HNRNPUL1: variants seen among roughly 807,000 people sequenced by gnomAD.
HNRNPUL1 encodes heterogeneous nuclear ribonucleoprotein U-like protein 1.
A neutral mutation model predicts 108.5 loss-of-function variants in HNRNPUL1; 14 were observed. The observed-to-expected ratio is 0.13, with a 90% CI of 0.09 to 0.20. The LOEUF is 0.20. Ranked by LOEUF, HNRNPUL1 falls within the 10% of genes least tolerant of loss-of-function variation. The probability of loss-of-function intolerance (pLI) is 1.00; values close to 1 mark genes in which losing one functional copy is unlikely to be tolerated. For missense variants in HNRNPUL1, 804 were observed against 1,168.3 expected (o/e 0.69, Z 4.55); for synonymous variants, 422 against 445.2 (o/e 0.95, Z 0.66).
intron 4 of HNRNPUL1, among the ~76,000 whole-genome samples, chr19:41,275,929 C>G (rs1270026061): frequency 6.6e-6 from 1 of 152,052 alleles, no homozygotes; most frequent in African/African-American, 2.4e-5. Flanking sequence ...ATGGAGAAAC[C>G]CTATCTCTAC....
chr19:41,268,237 A>G lies in HNRNPUL1; in HGVS notation c.310A>G (p.Ile104Val). ...GPDGHYAMDNITRQNQFYDTQ... is the reference protein window; with the variant it reads ...GPDGHYAMDNVTRQNQFYDTQ... Reference sequence around the variant, plus strand: ...TTTGTTTTAAGATGCCATGGACAATATTACCAGGCAGAACCAATTCTACGA... The same window carrying G: ...TTTGTTTTAAGATGCCATGGACAATGTTACCAGGCAGAACCAATTCTACGA... The change falls in exon 2 of 15, where the codon ATT (isoleucine) becomes GTT (valine). Residue 104 changes from isoleucine (I) to valine (V), a missense_variant. Ile to Val is a conservative substitution (Grantham distance 29, BLOSUM62 3). Transcript: ENST00000392006. 1 of 1,613,896 alleles carries G rather than the reference A, an allele frequency of 6.2e-7. No homozygotes were observed. Among genetic ancestry groups the G allele is most frequent in the South Asian group, 1.1e-5 (1 of 91,026 alleles).
chr19:41,279,214 T>C (rs2035761475), intron 6 of HNRNPUL1, 38 bp downstream of exon 6: 1 of 1,381,004 alleles, frequency 7.2e-7, no homozygotes, highest in Admixed American at 1.7e-5. Context: ...GAGAATAGAG[T>C]GACTGTCCCT....
Position 41,301,618 on chromosome 19 carries a change from C to G in HNRNPUL1, c.1601C>G (p.Thr534Ser), listed in dbSNP as rs758493834. 35 of 1,614,076 alleles carry G rather than the reference C, an allele frequency of 2.2e-5. No homozygotes were observed. Among genetic ancestry groups the G allele is most frequent in the Non-Finnish European group, 2.9e-5 (34 of 1,180,030 alleles). ...CGCAAAGCTATTGTAATTTGTCCCA[C>G]TGACGAGGACCTAAAAGACCGAACA... is the stretch of plus-strand genomic sequence containing the variant. ...FQRKAIVICPTDEDLKDRTIK... is the reference protein window; with the variant it reads ...FQRKAIVICPSDEDLKDRTIK... The change falls in exon 11 of 15, where the codon ACT becomes AGT. Residue 534 changes from threonine to serine, a missense_variant. This residue lies in a region of HNRNPUL1 where 80 missense variants were observed against 221.8 expected (regional missense o/e 0.36). Transcript: ENST00000392006.
intron 2 of HNRNPUL1, 108 bp from the exon 3 acceptor site, chr19:41,271,974 C>T: frequency 7.8e-7 from 1 of 1,274,686 alleles, no homozygotes; most frequent in Non-Finnish European, 1.1e-6. Context: ...AGCCCTTCAT[C>T]ACTGTAGTGA....
chr19:41,276,324 G>A (rs753513620), intron 5 of HNRNPUL1, 26 bp downstream of exon 5: 1 of 1,580,550 alleles, frequency 6.3e-7, no homozygotes, highest in African/African-American at 1.4e-5. Flanking sequence ...AGAAGGGGAA[G>A]GGACAGAGAA....
At chr19:41,281,083 A>G in intron 6 of HNRNPUL1, 80 bp from the exon 7 acceptor site, 1 of 881,666 alleles carries the variant, frequency 1.1e-6, no homozygotes, top group Non-Finnish European at 1.9e-6. Flanking sequence ...TTTTTCTTCA[A>G]AAATAAAAGT....
At chr19:41,300,602 T>G (rs1482724289) in intron 10 of HNRNPUL1, among the ~76,000 whole-genome samples, 1 of 152,030 alleles carries the variant, frequency 6.6e-6, no homozygotes, top group Non-Finnish European at 1.5e-5. Flanking sequence ...ACAGGCTGAG[T>G]CTATGGAACC....
In HNRNPUL1 at chr19:41,276,293, A is replaced by G. The variant is rs759317274; in HGVS notation, c.781A>G (p.Met261Val). 3 of 1,603,840 alleles carry G rather than the reference A, an allele frequency of 1.9e-6. No individual in the cohort carries two copies. The highest frequency in any genetic ancestry group is 2.6e-6 in the Non-Finnish European group (3 of 1,172,550). ...GVRRGRVCFE[M>V]KINEEISVKH... ...CAGAAGGGGCCGTGTATGCTTCGAG[A>G]TGAAGGTGAGTAGGAGCAAGAGAAG... The change falls in exon 5 of 15, where the codon ATG becomes GTG. Residue 261 changes from methionine (M) to valine (V), a missense_variant. Met to Val is a conservative substitution (Grantham distance 21). Transcript: ENST00000392006.
chr19:41,274,206 G>A, intron 4 of HNRNPUL1, 151 bp downstream of exon 4: 1 of 673,842 alleles, frequency 1.5e-6, no homozygotes, highest in Non-Finnish European at 2.6e-6. Context: ...CAAGAGTACT[G>A]GTTTGGAGGC....
rs12974243 is a variant in HNRNPUL1, at chr19:41,292,407, G to A, written c.1162G>A (p.Glu388Lys). 6.2e-7 allele frequency: 1 copy of A among 1,614,234 alleles called. No homozygotes were observed. Among genetic ancestry groups the A allele is most frequent in the Non-Finnish European group, 8.5e-7 (1 of 1,180,040 alleles). The change falls in exon 8 of 15, where the codon GAG becomes AAG. Residue 388 changes from glutamate to lysine, a missense_variant. Around this residue, in one of 4 missense-constraint regions of HNRNPUL1, gnomAD observed 174 missense variants for 296.6 expected, o/e 0.59. Transcript: ENST00000392006. This position sits in a 1 kb window ranked among gnomAD's most constrained non-coding sequence, Gnocchi z 4.1. ...AVEFNFGQRA[E>K]PYCSVLPGFT... ...GGAGTTCAACTTCGGACAGAGAGCA[G>A]AGCCCTACTGTTCTGTCCTCCCGGG...
At chr19:41,306,320 C>G in intron 14 of HNRNPUL1, 129 bp from the exon 15 acceptor site, 1 of 618,130 alleles carries the variant, frequency 1.6e-6, no homozygotes, top group Middle Eastern at 3.7e-4. Flanking sequence ...CTTGATTTCT[C>G]TGTCAGGGGA....
chr19:41,282,050 T>A (rs2035926718), intron 7 of HNRNPUL1, among the ~76,000 whole-genome samples: 1 of 152,238 alleles, frequency 6.6e-6, no homozygotes, highest in Non-Finnish European at 1.5e-5. Flanking sequence ...CATTAGGAGT[T>A]ATAAGAGATG....
In HNRNPUL1 at chr19:41,292,529, G is replaced by A; in HGVS notation, c.1266+18G>A. ...AATGTGAGGTGAGTGGGGCCAGAAT[G>A]TATTGGTGGCCACCTTGCTGCCAAG... is the stretch of plus-strand genomic sequence containing the variant. On this transcript the variant is annotated intron_variant, in intron 8 of 14. Transcript: ENST00000392006. The surrounding 1 kb of genome is among the most constrained non-coding windows in gnomAD (Gnocchi z 4.1). 8.1e-6 allele frequency: 13 copies of A among 1,599,208 alleles called. No homozygotes were observed. The highest frequency in any genetic ancestry group is 1.1e-5 in the Non-Finnish European group (13 of 1,168,434).
chr19:41,268,308 A>G lies in HNRNPUL1; in HGVS notation c.381A>G (p.Arg127=). Residue 127 remains arginine (R), a synonymous_variant, in exon 2 of 15, where the codon AGA becomes AGG. Transcript: ENST00000392006. ...AAAACGAGTCAGGCTACGAGAGGAG[A>G]CCACTGGAAATGGAGCAGCAGCAGG... ...KQENESGYER[R]PLEMEQQQAY... 1 of 1,614,034 alleles carries G rather than the reference A, an allele frequency of 6.2e-7. No individual in the cohort carries two copies. The highest frequency in any genetic ancestry group is 8.5e-7 in the Non-Finnish European group (1 of 1,179,958).
intron 4 of HNRNPUL1, among the ~76,000 whole-genome samples, chr19:41,275,789 CTTCT>C (rs2122561971): frequency 6.6e-6 from 1 of 152,280 alleles, no homozygotes; most frequent in East Asian, 1.9e-4. Flanking sequence ...CCTCTGCCTG[CTTCT>C]TTCTTAGGAC....
At chr19:41,280,429 G>C (rs1465782702) in intron 6 of HNRNPUL1, among the ~76,000 whole-genome samples, 1 of 152,004 alleles carries the variant, frequency 6.6e-6, no homozygotes, top group South Asian at 2.1e-4. Context: ...ATATGTGTTA[G>C]CACTTTTTAT....
At chr19:41,303,809 C>G (rs974048458) in intron 12 of HNRNPUL1, among the ~76,000 whole-genome samples, 163 bp from the exon 13 acceptor site, 12 of 152,156 alleles carry the variant, frequency 7.9e-5, no homozygotes, top group African/African-American at 2.9e-4. Context: ...GGGGAGTATG[C>G]CCGGGGGTCT....
chr19:41,284,294 GAA>G (rs58855122), intron 7 of HNRNPUL1, among the ~76,000 whole-genome samples: 1 of 151,934 alleles, frequency 6.6e-6, no homozygotes, highest in African/African-American at 2.4e-5. Flanking sequence ...CACTGTAAAC[GAA>G]AAAAAGAAAA....
At chr19:41,303,535 G>A (rs930191432) in intron 12 of HNRNPUL1, among the ~76,000 whole-genome samples, 4 of 152,016 alleles carry the variant, frequency 2.6e-5, no homozygotes, top group African/African-American at 4.8e-5. Flanking sequence ...TGTATTTTTA[G>A]TAGAGATGGG....
Sources: allele counts gnomAD v4.1 joint callset (sites outside exome capture counted in the v4.1 genomes callset), GRCh38; gene constraint gnomAD v4.1.1; regional missense constraint gnomAD v4.1.1; non-coding constraint Gnocchi (gnomAD v3.1); transcripts MANE v1.5; gene names NCBI Gene and HGNC (gene_info 2026-07-23, HGNC 2026-07-21).